MYT1L: variants seen among roughly 807,000 people sequenced by gnomAD.
MYT1L encodes myelin transcription factor 1 like, also known as myelin transcription factor 1-like protein.
In MYT1L, 12 loss-of-function variants were observed where a neutral mutation model predicts 126.7. The observed-to-expected ratio is 0.09, with a 90% CI of 0.06 to 0.15. MYT1L has a LOEUF of 0.15. MYT1L is among the 10% of genes least tolerant of loss of function. The pLI, the probability that MYT1L is intolerant of heterozygous loss-of-function variation, is 1.00. For missense variants in MYT1L, 979 were observed against 1,585.2 expected, an observed-to-expected ratio of 0.62 and a Z score of 6.49; for synonymous variants, 541 against 604.2, an observed-to-expected ratio of 0.90 and a Z score of 1.53.
rs180671998 is a variant in MYT1L, at chr2:2,186,088, C to T, written c.-420-13100G>A. ...GCCCGCGTTCCTTCCGTGAGGGGGACGCAGCCAGGCCTTCCGGGCCTTCCG... is the reference window on the plus strand; with the variant it reads ...GCCCGCGTTCCTTCCGTGAGGGGGATGCAGCCAGGCCTTCCGGGCCTTCCG... On this transcript the variant is annotated intron_variant, in intron 2 of 24. Transcript: ENST00000647738. Among the ~76,000 whole-genome samples the T allele has an allele frequency of 2.0e-3, 266 of 131,510 alleles. 23 individuals carry two copies. The highest frequency in any genetic ancestry group is 7.8e-3 in the African/African-American group (241 of 31,042). The allele number at this position is 131,510 out of a possible 152,430, so 86.3% of individuals were successfully genotyped here.
intron 2 of MYT1L, among the ~76,000 whole-genome samples, chr2:2,276,429 T>C (rs141166006): frequency 6.6e-6 from 1 of 152,168 alleles, no homozygotes; most frequent in Non-Finnish European, 1.5e-5. Context: ...ATGTTACAAA[T>C]ATGTCAGTTA....
At chr2:1,984,432 A>G (rs1174210396) in intron 5 of MYT1L, among the ~76,000 whole-genome samples, 1 of 151,502 alleles carries the variant, frequency 6.6e-6, no homozygotes, top group Non-Finnish European at 1.5e-5. Flanking sequence ...CCTGGACTCA[A>G]GTGATCCTAC....
At chr2:2,041,718 A>C (rs956034884) in intron 4 of MYT1L, among the ~76,000 whole-genome samples, 4 of 152,180 alleles carry the variant, frequency 2.6e-5, no homozygotes, top group Non-Finnish European at 5.9e-5. Context: ...TTCCGGAAAG[A>C]AGGGAAGGGC....
intron 23 of MYT1L, among the ~76,000 whole-genome samples, chr2:1,797,244 C>T (rs1195426455): frequency 6.6e-6 from 1 of 152,090 alleles, no homozygotes; most frequent in Non-Finnish European, 1.5e-5. Context: ...GGGAAGGGAC[C>T]GGTGTCCGGA....
intron 2 of MYT1L, among the ~76,000 whole-genome samples, chr2:2,215,250 T>C (rs1438122930): frequency 6.6e-6 from 1 of 152,122 alleles, no homozygotes; most frequent in Non-Finnish European, 1.5e-5. Context: ...GTAATAAAAA[T>C]GCAGAAGTTG....
chr2:2,041,427 G>A (rs545849548), intron 4 of MYT1L, among the ~76,000 whole-genome samples: 1 of 152,316 alleles, frequency 6.6e-6, no homozygotes, highest in Admixed American at 6.5e-5. Context: ...CAGAGTAGCC[G>A]CCCAAGAGCT....
intron 4 of MYT1L, among the ~76,000 whole-genome samples, chr2:2,052,676 C>A (rs2068978276): frequency 6.6e-6 from 1 of 152,158 alleles, no homozygotes; most frequent in Admixed American, 6.5e-5. Context: ...AGATGCTTAA[C>A]ACCACTAATA....
chr2:2,318,553 C>G (rs1559660412), intron 1 of MYT1L, among the ~76,000 whole-genome samples: 1 of 152,144 alleles, frequency 6.6e-6, no homozygotes, highest in Non-Finnish European at 1.5e-5. Context: ...CCAGGAACAG[C>G]ATATTAGCTA....
At chr2:1,807,824 T>C (rs2035955648) in intron 22 of MYT1L, among the ~76,000 whole-genome samples, 1 of 152,178 alleles carries the variant, frequency 6.6e-6, no homozygotes, top group Non-Finnish European at 1.5e-5. Flanking sequence ...TAAAAAACCC[T>C]GTTAATATGG....
At chr2:1,944,794 G>A (rs188200683) in intron 8 of MYT1L, among the ~76,000 whole-genome samples, 20 of 152,312 alleles carry the variant, frequency 1.3e-4, no homozygotes, top group Admixed American at 1.2e-3. Context: ...TGTACACCAT[G>A]CACCAAACAC....
chr2:1,826,591 C>T (rs778433365), intron 21 of MYT1L, among the ~76,000 whole-genome samples: 6 of 152,120 alleles, frequency 3.9e-5, no homozygotes, highest in African/African-American at 9.7e-5. Flanking sequence ...AATTGCTTCC[C>T]GTCAAACACT....
At chr2:2,186,091 A>AGCCAGGCCT (rs2092143100) in intron 2 of MYT1L, among the ~76,000 whole-genome samples, 1 of 129,738 alleles carries the variant, frequency 7.7e-6, no homozygotes, top group African/African-American at 3.2e-5. Flanking sequence ...AGGGGGACGC[A>AGCCAGGCCT]GCCAGGCCTT....
chr2:2,196,231 T>G (rs7559324), intron 2 of MYT1L, among the ~76,000 whole-genome samples: 32,396 of 151,816 alleles, frequency 0.21, 4,383 homozygotes, highest in African/African-American at 0.4. Flanking sequence ...AATGCTTAAA[T>G]AAAGTGATTG....
chr2:1,845,044 C>A (rs2042316332), intron 19 of MYT1L, among the ~76,000 whole-genome samples: 1 of 151,420 alleles, frequency 6.6e-6, no homozygotes, highest in Non-Finnish European at 1.5e-5. Context: ...AGGGGCATGA[C>A]CTTGGCTCGC....
intron 2 of MYT1L, among the ~76,000 whole-genome samples, chr2:2,239,006 A>T (rs190762256): frequency 6.6e-6 from 1 of 152,308 alleles, no homozygotes; most frequent in Non-Finnish European, 1.5e-5. Flanking sequence ...CTCCTGGGGG[A>T]CCCTGACCCA....
chr2:2,313,509 A>C (rs1049389260), intron 1 of MYT1L, among the ~76,000 whole-genome samples: 3 of 147,062 alleles, frequency 2.0e-5, no homozygotes, highest in Non-Finnish European at 4.6e-5. Flanking sequence ...ATTAGTTTAA[A>C]ATACCTGTTT....
chr2:2,311,234 A>G (rs556684155), intron 1 of MYT1L, among the ~76,000 whole-genome samples: 1 of 152,354 alleles, frequency 6.6e-6, no homozygotes, highest in Non-Finnish European at 1.5e-5. Context: ...ACCCAAGCTG[A>G]CAATGCATGA....
rs1343576588 is a variant in MYT1L at position 1,979,191 on chromosome 2, G to C, written c.126C>G (p.Val42=). The change falls in exon 8 of 25, where the codon GTC becomes GTG. Residue 42 remains valine, a synonymous_variant. Coordinates refer to ENST00000647738, the MANE Select transcript of MYT1L (RefSeq NM_001303052.2). This position sits in a 1 kb window ranked among gnomAD's most constrained non-coding sequence, Gnocchi z 4.0. ...PTPGCDGSGH[V]SGKYARHRSV... ...TTCTGTGTCTTGCATATTTGCCACTGACATGACCACTGCCGTCACAGCCAG... is the reference window on the plus strand; with the variant it reads ...TTCTGTGTCTTGCATATTTGCCACTCACATGACCACTGCCGTCACAGCCAG... The C allele has an allele frequency of 1.2e-6, 2 of 1,613,758 alleles. No homozygotes were observed. The highest frequency in any genetic ancestry group is 1.7e-6 in the Non-Finnish European group (2 of 1,179,906).
chr2:1,886,712 A>C, intron 17 of MYT1L, 105 bp from the exon 18 acceptor site: 1 of 612,924 alleles, frequency 1.6e-6, no homozygotes, highest in Non-Finnish European at 2.6e-6. Flanking sequence ...GCAGAAAAGC[A>C]ATGGGCAAGT....
Sources: gnomAD v4.1 joint callset for allele counts (sites outside exome capture counted in the v4.1 genomes callset) on GRCh38, gnomAD v4.1.1 for gene constraint, Gnocchi (gnomAD v3.1) non-coding constraint, MANE v1.5 for transcripts, NCBI Gene and HGNC (gene_info 2026-07-23, HGNC 2026-07-21) for gene names.